KIAA1549: variants seen among roughly 807,000 people sequenced by gnomAD.
KIAA1549 encodes the protein UPF0606 protein KIAA1549.
KIAA1549 carries 70 observed loss-of-function variants against 156.4 expected under a neutral mutation model. That is an observed-to-expected ratio of 0.45 (90% CI 0.37 to 0.55). The LOEUF is 0.55. KIAA1549 is among the 20% of genes least tolerant of loss of function. The pLI is 0.00. For missense variants in KIAA1549, 2,428 were observed against 2,540.9 expected (o/e 0.96, Z 0.96); for synonymous variants, 1,103 against 1,066.4 (o/e 1.03, Z -0.67).
chr7:138,908,850 C>T (rs777907025), intron 5 of KIAA1549, 141 bp downstream of exon 5: 77 of 981,710 alleles, frequency 7.8e-5, no homozygotes, highest in Non-Finnish European at 1.1e-4. Flanking sequence ...CCTTACGCCA[C>T]AGGAATAGAT....
intron 1 of KIAA1549, among the ~76,000 whole-genome samples, chr7:138,979,578 CTG>C (rs1444438996): frequency 6.6e-6 from 1 of 152,216 alleles, no homozygotes; most frequent in Non-Finnish European, 1.5e-5. Flanking sequence ...CATTTATCTG[CTG>C]TGTCTTATGA....
In KIAA1549 at chr7:138,881,423, T is replaced by G; in HGVS notation, c.4194A>C (p.Ser1398=). The change falls in exon 11 of 20, where the codon TCA becomes TCC. Residue 1398 remains serine (S), a synonymous_variant. Transcript: ENST00000422774. ...GACGAACATTCTTGGAAGGGATCTT[T>G]GACTTGGGGCTTGGCACGTCTCCAT... ...SENGDVPSPK[S]KIPSKNVRHR... 1 of 1,613,938 alleles carries G rather than the reference T, an allele frequency of 6.2e-7. No individual in the cohort carries two copies. Among genetic ancestry groups the G allele is most frequent in the South Asian group, 1.1e-5 (1 of 91,058 alleles).
At chr7:138,849,928 T>C (rs1170193407) in intron 17 of KIAA1549, among the ~76,000 whole-genome samples, 2 of 152,206 alleles carry the variant, frequency 1.3e-5, no homozygotes, top group Admixed American at 6.5e-5. Flanking sequence ...TATTCCATTG[T>C]GTATGCGTAC....
At chr7:138,855,164 C>G (rs1810351296) in intron 16 of KIAA1549, among the ~76,000 whole-genome samples, 1 of 152,122 alleles carries the variant, frequency 6.6e-6, no homozygotes, top group Admixed American at 6.6e-5. Flanking sequence ...AATCAGAGAC[C>G]AGCAGTGAAC....
At chr7:138,873,522 G>A (rs1810994523) in intron 12 of KIAA1549, among the ~76,000 whole-genome samples, 3 of 149,890 alleles carry the variant, frequency 2.0e-5, no homozygotes, top group African/African-American at 2.5e-5. Flanking sequence ...TTAAGCTACT[G>A]ATACCTAGAA....
rs749586311 is a variant in KIAA1549, at chr7:138,844,280, C to T, written c.5452+37G>A. 2.6e-5 allele frequency: 42 copies of T among 1,612,528 alleles called. No individual in the cohort carries two copies. The East Asian group carries it at 6.9e-4, about 27-fold the overall frequency. On this transcript the variant is annotated intron_variant, in intron 18 of 19. Coordinates refer to ENST00000422774, the MANE Select transcript of KIAA1549 (RefSeq NM_001164665.2). Reference sequence around the variant, plus strand: ...TAAAGTTTCTTTCAAGTAAATGTCCCGTAGCTCAGAAATGGAAGCTAAACA... The same window carrying T: ...TAAAGTTTCTTTCAAGTAAATGTCCTGTAGCTCAGAAATGGAAGCTAAACA...
chr7:138,963,402 T>A (rs1215141973), intron 1 of KIAA1549, among the ~76,000 whole-genome samples: 1 of 152,202 alleles, frequency 6.6e-6, no homozygotes, highest in Non-Finnish European at 1.5e-5. Context: ...GTACACATTC[T>A]ACAGGTATAT....
At chr7:138,846,479 A>G (rs1810076810) in intron 17 of KIAA1549, among the ~76,000 whole-genome samples, 1 of 138,484 alleles carries the variant, frequency 7.2e-6, no homozygotes, top group African/African-American at 2.7e-5. Flanking sequence ...GGTTGCGGTG[A>G]GCGGAGATCA....
At position 138,846,466 on chromosome 7, in the gene KIAA1549, G is replaced by A. The variant is rs536623421; in HGVS notation, c.5295-1992C>T. Reference sequence around the variant, plus strand: ...TGAGAATCGCTTGAACCTGGGAGGTGGAGGTTGCGGTGAGCGGAGATCATG... The same window carrying A: ...TGAGAATCGCTTGAACCTGGGAGGTAGAGGTTGCGGTGAGCGGAGATCATG... On this transcript the variant is annotated intron_variant, in intron 17 of 19. Transcript: ENST00000422774. Among the ~76,000 whole-genome samples the A allele has an allele frequency of 4.7e-5, 7 of 149,820 alleles. No individual in the cohort carries two copies. The South Asian group carries it at 1.5e-3, about 32-fold the overall frequency.
chr7:138,942,493 T>C (rs1219486990), intron 1 of KIAA1549, among the ~76,000 whole-genome samples: 4 of 151,750 alleles, frequency 2.6e-5, no homozygotes, highest in African/African-American at 9.7e-5. Flanking sequence ...CAGAAAGACC[T>C]GGATCCGGTG....
At chr7:138,928,189 G>A (rs1266572757) in intron 1 of KIAA1549, among the ~76,000 whole-genome samples, 1 of 152,114 alleles carries the variant, frequency 6.6e-6, no homozygotes, top group Non-Finnish European at 1.5e-5. Flanking sequence ...CCAAAGTGCT[G>A]GGATTATAGG....
chr7:138,855,318 A>G (rs777080998), intron 16 of KIAA1549, among the ~76,000 whole-genome samples: 1 of 152,214 alleles, frequency 6.6e-6, no homozygotes, highest in Non-Finnish European at 1.5e-5. Flanking sequence ...ACCTTCAGCA[A>G]CTTGGCTTAC....
Position 138,869,720 on chromosome 7 carries a change from A to T in KIAA1549, c.4593T>A (p.His1531Gln). Reference sequence around the variant, plus strand: ...TGGCGCGCAGGCGGATCTTGTTGCGATGGTGCTCGATCTCAGACTTGTGCC... The same window carrying T: ...TGGCGCGCAGGCGGATCTTGTTGCGTTGGTGCTCGATCTCAGACTTGTGCC... ...ALRHKSEIEHHRNKIRLRAKR... is the reference protein window; with the variant it reads ...ALRHKSEIEHQRNKIRLRAKR... The change falls in exon 14 of 20, where the codon CAT (histidine) becomes CAA (glutamine). Residue 1531 changes from histidine (H) to glutamine (Q), a missense_variant. Transcript: ENST00000422774. 6.2e-7 allele frequency: 1 copy of T among 1,611,826 alleles called. No individual in the cohort carries two copies. Among genetic ancestry groups the T allele is most frequent in the South Asian group, 1.1e-5 (1 of 90,966 alleles).
At chr7:138,864,187 G>A (rs1431703346) in intron 15 of KIAA1549, among the ~76,000 whole-genome samples, 1 of 152,210 alleles carries the variant, frequency 6.6e-6, no homozygotes, top group Non-Finnish European at 1.5e-5. Context: ...GTAGTGTGGT[G>A]ACACAAAAAA....
At chr7:138,884,346 C>T (rs916731953) in intron 10 of KIAA1549, among the ~76,000 whole-genome samples, 7 of 152,006 alleles carry the variant, frequency 4.6e-5, no homozygotes, top group African/African-American at 1.7e-4. Context: ...ACCTACTGAA[C>T]AGGCCCCCTC....
At chr7:138,927,385 A>G (rs1165989111) in intron 1 of KIAA1549, among the ~76,000 whole-genome samples, 1 of 152,278 alleles carries the variant, frequency 6.6e-6, no homozygotes, top group Non-Finnish European at 1.5e-5. Context: ...TCACGCCTAT[A>G]ATCCCAGCAC....
chr7:138,856,422 A>C (rs1810393494), intron 16 of KIAA1549, among the ~76,000 whole-genome samples: 1 of 152,128 alleles, frequency 6.6e-6, no homozygotes, highest in Non-Finnish European at 1.5e-5. Context: ...AAACACGTTG[A>C]AGGCTCGCTG....
intron 6 of KIAA1549, among the ~76,000 whole-genome samples, chr7:138,905,635 T>C (rs559546148): frequency 1.5e-3 from 221 of 152,342 alleles, no homozygotes; most frequent in Middle Eastern, 6.8e-3. Flanking sequence ...TACGAATCAT[T>C]AGGCCATTTG....
At chr7:138,915,718 C>T (rs1563075396) in intron 2 of KIAA1549, among the ~76,000 whole-genome samples, 2 of 152,158 alleles carry the variant, frequency 1.3e-5, no homozygotes, top group East Asian at 1.9e-4. Context: ...CTGCCGTTTT[C>T]GTCCCCTTTT....
Sources: allele counts gnomAD v4.1 joint callset (sites outside exome capture counted in the v4.1 genomes callset), GRCh38; gene constraint gnomAD v4.1.1; transcripts MANE v1.5; gene names NCBI Gene and HGNC (gene_info 2026-07-23, HGNC 2026-07-21).